Variants in IFT81 observed in about 807,000 individuals in gnomAD.
The protein encoded by IFT81 is intraflagellar transport 81, also known as intraflagellar transport protein 81 homolog.
In IFT81, 72 loss-of-function variants were observed where a neutral mutation model predicts 102.6. That is an observed-to-expected ratio of 0.70 (90% CI 0.58 to 0.85). The LOEUF (loss-of-function observed/expected upper bound fraction) is 0.85. Ranked by LOEUF, IFT81 falls within the 40% of genes least tolerant of loss-of-function variation. IFT81 has a pLI of 0.00. For missense variants in IFT81, 723 were observed against 787.3 expected (o/e 0.92, Z 0.98); for synonymous variants, 237 against 242.7 (o/e 0.98, Z 0.22).
In IFT81 at chr12:110,162,947, C is replaced by G. The variant is rs1896217721; in HGVS notation, c.1070C>G (p.Ala357Gly). The G allele has an allele frequency of 1.9e-6, 3 of 1,613,238 alleles. No homozygotes were observed. Among genetic ancestry groups the G allele is most frequent in the Admixed American group, 1.7e-5 (1 of 59,858 alleles). ...TCTATCATTTCCCGTAAAAAAGAAG[C>G]CAAAGCTGAGGAACTTCAGGAGGCC... ...QASIISRKKE[A>G]KAEELQEAKE... The change falls in exon 11 of 19, where the codon GCC (alanine) becomes GGC (glycine). Residue 357 changes from alanine to glycine, a missense_variant. Coordinates refer to ENST00000242591, the MANE Select transcript of IFT81 (RefSeq NM_014055.4).
intron 7 of IFT81, among the ~76,000 whole-genome samples, chr12:110,135,866 GA>G (rs199705020): frequency 0.45 from 47,904 of 107,516 alleles, 8,785 homozygotes; most frequent in African/African-American, 0.55. Context: ...GACTTTGTCT[GA>G]AAAAAAAAAA....
chr12:110,170,444 GGACGAAGAATA>G (rs1436100256), intron 11 of IFT81, among the ~76,000 whole-genome samples: 3 of 152,192 alleles, frequency 2.0e-5, no homozygotes, highest in African/African-American at 7.2e-5. Flanking sequence ...TTTACTGGAA[GGACGAAGAATA>G]GAACATGTGC....
At chr12:110,165,796 A>G (rs1021965425) in intron 11 of IFT81, among the ~76,000 whole-genome samples, 2 of 152,154 alleles carry the variant, frequency 1.3e-5, no homozygotes, top group African/African-American at 4.8e-5. Flanking sequence ...AGGCTTCTCT[A>G]TCTGTAAAAT....
At chr12:110,177,820 C>T (rs1359990378) in intron 11 of IFT81, among the ~76,000 whole-genome samples, 2 of 152,026 alleles carry the variant, frequency 1.3e-5, no homozygotes, top group South Asian at 2.1e-4. Context: ...AAAAGCCGGG[C>T]GCAGTGGCTC....
intron 10 of IFT81, among the ~76,000 whole-genome samples, chr12:110,150,153 C>T (rs531991285): frequency 3.2e-4 from 49 of 151,980 alleles, no homozygotes; most frequent in Admixed American, 1.4e-3. Flanking sequence ...GTCACCCAGC[C>T]GGGAGTGCAA....
chr12:110,177,949 G>A (rs1283565021), intron 11 of IFT81, among the ~76,000 whole-genome samples: 1 of 150,434 alleles, frequency 6.6e-6, no homozygotes, highest in African/African-American at 2.4e-5. Flanking sequence ...ACAAAAATTA[G>A]CCAGGCATGG....
At chr12:110,178,857 TCTAA>T (rs1240099382) in intron 11 of IFT81, among the ~76,000 whole-genome samples, 1 of 149,130 alleles carries the variant, frequency 6.7e-6, no homozygotes, top group Non-Finnish European at 1.5e-5. Flanking sequence ...CCTCAAGTGA[TCTAA>T]CTGTCTTGGC....
At chr12:110,127,218 C>A in intron 1 of IFT81, 142 bp from the exon 2 acceptor site, 1 of 815,148 alleles carries the variant, frequency 1.2e-6, no homozygotes, top group Non-Finnish European at 1.8e-6. Context: ...TTTCTTTCAA[C>A]AAAATAACCC....
At chr12:110,127,205 G>A (rs1893897244) in intron 1 of IFT81, among the ~76,000 whole-genome samples, 155 bp from the exon 2 acceptor site, 1 of 152,072 alleles carries the variant, frequency 6.6e-6, no homozygotes, top group Non-Finnish European at 1.5e-5. Flanking sequence ...CATTATACTT[G>A]GATTTCTTTC....
chr12:110,215,677 G>T lies in IFT81; in HGVS notation c.1849-2367G>T, dbSNP rs147047030. ...AGAGACAGGGGCGTCTCACTTTGTT[G>T]CCCAGGCTGGATTCTCTCTCTCTTT... is the stretch of plus-strand genomic sequence containing the variant. On this transcript the variant is annotated intron_variant, in intron 18 of 18. Transcript: ENST00000242591. 6.6e-3 allele frequency among the ~76,000 whole-genome samples: 999 copies of T among 150,870 alleles called. 7 individuals carry two copies. Among genetic ancestry groups the T allele is most frequent in the Non-Finnish European group, 7.6e-3 (516 of 67,748 alleles).
chr12:110,195,519 C>A (rs1446762085), intron 14 of IFT81, among the ~76,000 whole-genome samples: 2 of 152,136 alleles, frequency 1.3e-5, no homozygotes, highest in Non-Finnish European at 2.9e-5. Flanking sequence ...ATGAGGAAAC[C>A]AGCTTACTTA....
rs1219073349 is a variant in IFT81 at position 110,192,634 on chromosome 12, A to G, written c.1485A>G (p.Ser495=). ...AATAACAGGTGAAAAAACTGTATTC[A>G]TTGGTATCTGAAAAGAAGTCAGCTC... ...DMSEMVKKLY[S]LVSEKKSALA... is the part of the protein sequence containing the mutation. The change falls in exon 14 of 19, where the codon TCA becomes TCG. Residue 495 remains serine (S), a synonymous_variant. Coordinates refer to ENST00000242591, the MANE Select transcript of IFT81 (RefSeq NM_014055.4). 4 of 1,575,734 alleles carry G rather than the reference A, an allele frequency of 2.5e-6. No individual in the cohort carries two copies. Among genetic ancestry groups the G allele is most frequent in the Non-Finnish European group, 3.5e-6 (4 of 1,159,250 alleles).
intron 1 of IFT81, among the ~76,000 whole-genome samples, chr12:110,125,841 G>A (rs1473459318): frequency 6.6e-6 from 1 of 152,178 alleles, no homozygotes; most frequent in Non-Finnish European, 1.5e-5. Flanking sequence ...TTAGGCTTAT[G>A]TTGTACTTGT....
chr12:110,168,124 T>A (rs1896539190), intron 11 of IFT81: 1 of 154,212 alleles, frequency 6.5e-6, no homozygotes, highest in South Asian at 1.9e-4. Context: ...CCTCCTGAAG[T>A]GTTAGGATTA....
At chr12:110,187,338 A>G (rs1012402868) in intron 12 of IFT81, among the ~76,000 whole-genome samples, 1 of 152,112 alleles carries the variant, frequency 6.6e-6, no homozygotes, top group African/African-American at 2.4e-5. Flanking sequence ...ATCTTGGCTC[A>G]CTGCAGCCTC....
At chr12:110,126,089 T>A (rs541233786) in intron 1 of IFT81, among the ~76,000 whole-genome samples, 1 of 152,056 alleles carries the variant, frequency 6.6e-6, no homozygotes, top group East Asian at 1.9e-4. Context: ...CCATCCTGGC[T>A]AACACGGTGA....
Position 110,162,911 on chromosome 12 carries a change from T to C in IFT81, c.1042-8T>C. On this transcript the variant is annotated splice_polypyrimidine_tract_variant and splice_region_variant and intron_variant, in intron 10 of 18. Coordinates refer to ENST00000242591, the MANE Select transcript of IFT81 (RefSeq NM_014055.4). ...CTTATTATACCTTCATATTTAATGCTCAATCAGGCATCTATCATTTCCCGT... is the reference window on the plus strand; with the variant it reads ...CTTATTATACCTTCATATTTAATGCCCAATCAGGCATCTATCATTTCCCGT... 1.3e-6 allele frequency: 2 copies of C among 1,599,462 alleles called. No individual in the cohort carries two copies. Among genetic ancestry groups the C allele is most frequent in the Non-Finnish European group, 1.7e-6 (2 of 1,174,058 alleles).
chr12:110,188,562 C>T lies in IFT81; in HGVS notation c.1339-2358C>T, dbSNP rs1049186394. ...ATTCTGTCTTTCCTTGTCTTTCTTT[C>T]CTTTTGGTTCTTTCATTCTTTTTTG... is the stretch of plus-strand genomic sequence containing the variant. On this transcript the variant is annotated intron_variant, in intron 12 of 18. Transcript: ENST00000242591. Among the ~76,000 whole-genome samples the T allele has an allele frequency of 5.9e-5, 9 of 151,660 alleles. No homozygotes were observed. In the East Asian group the frequency reaches 1.8e-3, roughly 29 times the overall value.
intron 12 of IFT81, among the ~76,000 whole-genome samples, chr12:110,186,000 G>T (rs912568573): frequency 1.3e-5 from 2 of 151,934 alleles, no homozygotes; most frequent in African/African-American, 4.8e-5. Flanking sequence ...CTTCATCATT[G>T]TTCTTCTATT....
Sources: allele counts gnomAD v4.1 joint callset (sites outside exome capture counted in the v4.1 genomes callset), GRCh38; gene constraint gnomAD v4.1.1; transcripts MANE v1.5; gene names NCBI Gene and HGNC (gene_info 2026-07-23, HGNC 2026-07-21).